The following SLC25A16 variants were observed in gnomAD, a reference collection of about 807,000 sequenced individuals.
SLC25A16 encodes mitochondrial coenzyme A transporter SLC25A16.
Under a neutral mutation model 41.5 loss-of-function variants are expected in SLC25A16, and 39 were observed. The observed-to-expected ratio is 0.94, with a 90% CI of 0.73 to 1.23. The LOEUF (loss-of-function observed/expected upper bound fraction) is 1.23, where lower values mean the gene tolerates loss of function less well. Among genes scored for constraint, SLC25A16 ranks in the 50% most tolerant of loss-of-function variants. The probability of loss-of-function intolerance (pLI) is 0.00; values close to 1 mark genes in which losing one functional copy is unlikely to be tolerated. For synonymous variants in SLC25A16, 146 were observed against 147.8 expected, an observed-to-expected ratio of 0.99 and a Z score of 0.09; for missense variants, 421 against 426.9, an observed-to-expected ratio of 0.99 and a Z score of 0.12.
chr10:68,507,740 A>C (rs931379585), intron 2 of SLC25A16, among the ~76,000 whole-genome samples: 1 of 152,144 alleles, frequency 6.6e-6, no homozygotes, highest in African/African-American at 2.4e-5. Context: ...ATTATTCAAC[A>C]ATTTAAATTC....
At chr10:68,511,722 T>C (rs982077638) in intron 2 of SLC25A16, among the ~76,000 whole-genome samples, 1 of 152,160 alleles carries the variant, frequency 6.6e-6, no homozygotes, top group Non-Finnish European at 1.5e-5. Context: ...AGACAGAGTC[T>C]CACTCTGTTG....
At chr10:68,495,975 G>C (rs532189305) in intron 4 of SLC25A16, among the ~76,000 whole-genome samples, 1 of 152,138 alleles carries the variant, frequency 6.6e-6, no homozygotes, top group East Asian at 1.9e-4. Context: ...GATTAGGTGA[G>C]CTAACATATG....
intron 5 of SLC25A16, 69 bp from the exon 6 acceptor site, chr10:68,493,267 T>C (rs924366364): frequency 1.6e-6 from 2 of 1,245,896 alleles, no homozygotes; most frequent in Admixed American, 2.1e-5. Flanking sequence ...AAAGAAAAAA[T>C]CACACTTTAT....
At chr10:68,500,100 C>A in intron 4 of SLC25A16, 1 of 183,926 alleles carries the variant, frequency 5.4e-6, no homozygotes, top group African/African-American at 2.4e-5. Flanking sequence ...AGTTGTAGGA[C>A]GAGGGACAGG....
At chr10:68,493,328 G>C in intron 5 of SLC25A16, 121 bp downstream of exon 5, 1 of 1,128,562 alleles carries the variant, frequency 8.9e-7, no homozygotes, top group Non-Finnish European at 1.3e-6. Flanking sequence ...ATGTGTTTTC[G>C]TAATTATTGT....
chr10:68,488,517 A>G lies in SLC25A16; in HGVS notation c.723T>C (p.His241=), dbSNP rs766972851. The G allele has an allele frequency of 1.9e-6, 3 of 1,583,878 alleles. No homozygotes were observed. The highest frequency in any genetic ancestry group is 2.6e-6 in the Non-Finnish European group (3 of 1,172,674). Residue 241 remains histidine, a synonymous_variant, in exon 7 of 9, where the codon CAT becomes CAC. Coordinates refer to ENST00000609923, the MANE Select transcript of SLC25A16 (RefSeq NM_152707.4). The part of the protein sequence containing the change: ...DNPNVLVLKT[H]VNLLCGGVAG... ...CAACACCACCACAAAGTAAGTTTAC[A>G]TGAGTTTTCAAAACTAAGACATTAG...
At chr10:68,524,165 C>A (rs183147081) in intron 1 of SLC25A16, among the ~76,000 whole-genome samples, 6,314 of 151,606 alleles carry the variant, frequency 0.042, 164 homozygotes, top group Middle Eastern at 0.071. Context: ...AAAAAATTAG[C>A]CGGGCGTGGT....
At chr10:68,483,835 GTAATTTTTA>G (rs2052516897) in intron 8 of SLC25A16, among the ~76,000 whole-genome samples, 1 of 151,922 alleles carries the variant, frequency 6.6e-6, no homozygotes, top group Non-Finnish European at 1.5e-5. Context: ...GCTAATTTTT[GTAATTTTTA>G]GTAGAGACGG....
At chr10:68,494,432 G>A (rs925334994) in intron 4 of SLC25A16, among the ~76,000 whole-genome samples, 4 of 142,136 alleles carry the variant, frequency 2.8e-5, no homozygotes, top group Non-Finnish European at 6.2e-5. Context: ...ACTGCAGTCC[G>A]GCCTGGCAAC....
chr10:68,493,527 C>T lies in SLC25A16; in HGVS notation c.465G>A (p.Arg155=), dbSNP rs61739925. Residue 155 remains arginine, a synonymous_variant, in exon 5 of 9, where the codon AGG becomes AGA. Transcript: ENST00000609923. ...CTTTCACCTGGAATGCTAGGCGGAC[C>T]CTAACCATGTCAAGAGGGTAAGTAC... The part of the protein sequence containing the change: ...VICTYPLDMV[R]VRLAFQVKGE... 60 of 1,612,974 alleles carry T rather than the reference C, an allele frequency of 3.7e-5. No homozygotes were observed. In the African/African-American group the frequency reaches 7.5e-4, roughly 20 times the overall value.
At position 68,488,638 on chromosome 10, in the gene SLC25A16, CA is replaced by C; in HGVS notation, c.611-10del. Reference sequence around the variant, plus strand: ...AGTAAAAAATGAAACACCTGAAAAACAAAAAATAAATTCACCATGATGCTTA... The same window carrying C: ...AGTAAAAAATGAAACACCTGAAAAACAAAAATAAATTCACCATGATGCTTA... On this transcript the variant is annotated splice_polypyrimidine_tract_variant and intron_variant, in intron 6 of 8. Transcript: ENST00000609923. The C allele has an allele frequency of 6.2e-7, 1 of 1,608,300 alleles. No individual in the cohort carries two copies. Among genetic ancestry groups the C allele is most frequent in the Non-Finnish European group, 8.5e-7 (1 of 1,176,994 alleles).
chr10:68,515,565 G>A lies in SLC25A16; in HGVS notation c.223+1186C>T, dbSNP rs190404481. On this transcript the variant is annotated intron_variant, in intron 2 of 8. Coordinates refer to ENST00000609923, the MANE Select transcript of SLC25A16 (RefSeq NM_152707.4). ...TATAATCCCAGCACTTTGGGAGGCC[G>A]AGGCGGGCGGGTCACCTGAGTTTGG... 1.5e-3 allele frequency among the ~76,000 whole-genome samples: 232 copies of A among 152,140 alleles called. 2 individuals carry two copies. The highest frequency in any genetic ancestry group is 2.6e-3 in the Non-Finnish European group (175 of 68,022).
chr10:68,487,343 C>T (rs1398118416), intron 7 of SLC25A16, 131 bp from the exon 8 acceptor site: 5 of 657,590 alleles, frequency 7.6e-6, no homozygotes, highest in South Asian at 5.1e-5. Flanking sequence ...ACCTAGGAGT[C>T]GGGATATAGG....
At chr10:68,487,306 G>T in intron 7 of SLC25A16, 94 bp from the exon 8 acceptor site, 1 of 858,274 alleles carries the variant, frequency 1.2e-6, no homozygotes, top group Non-Finnish European at 1.9e-6. Flanking sequence ...AAGAAATAAC[G>T]TGTTACTGCT....
chr10:68,517,030 C>A (rs2053172303), intron 1 of SLC25A16, 187 bp from the exon 2 acceptor site: 1 of 1,211,200 alleles, frequency 8.3e-7, no homozygotes, highest in Non-Finnish European at 1.1e-6. Flanking sequence ...AGCATGATTA[C>A]ACTGCTAAAA....
chr10:68,485,230 C>T (rs1269860637), intron 8 of SLC25A16, among the ~76,000 whole-genome samples: 2 of 151,950 alleles, frequency 1.3e-5, no homozygotes, highest in South Asian at 4.1e-4. Context: ...TCTGGGACTA[C>T]AGGCGCACAC....
In SLC25A16 at chr10:68,481,554, C is replaced by G. The variant is rs549160470; in HGVS notation, c.*1878G>C. On this transcript the variant is annotated 3_prime_UTR_variant, in exon 9 of 9. Transcript: ENST00000609923. ...GGGTCAAGATATCCTCCCGCCTCAG[C>G]CTCCCAAAGTGCTAGGGTTACAGGC... 2.1e-4 allele frequency: 32 copies of G among 152,256 alleles called. No homozygotes were observed. Among genetic ancestry groups the G allele is most frequent in the African/African-American group, 7.2e-4 (30 of 41,552 alleles). 9.4% of individuals were successfully genotyped at this position (152,256 alleles called of 1,614,324 possible).
At chr10:68,504,017 C>CTTTTTTT (rs148285905) in intron 3 of SLC25A16, among the ~76,000 whole-genome samples, 3 of 70,872 alleles carry the variant, frequency 4.2e-5, no homozygotes, top group African/African-American at 1.7e-4. Flanking sequence ...TAAACTGCTA[C>CTTTTTTT]TTTTTTTTTT....
intron 7 of SLC25A16, among the ~76,000 whole-genome samples, chr10:68,487,600 A>C (rs2052585514): frequency 6.6e-6 from 1 of 152,186 alleles, no homozygotes; most frequent in African/African-American, 2.4e-5. Context: ...TGTCCTGTGC[A>C]CTAGAGATGT....
Sources: gnomAD v4.1 joint callset for allele counts (sites outside exome capture counted in the v4.1 genomes callset) on GRCh38, gnomAD v4.1.1 for gene constraint, MANE v1.5 for transcripts, NCBI Gene and HGNC (gene_info 2026-07-23, HGNC 2026-07-21) for gene names.